Variants in TUFT1 observed in about 807,000 individuals in gnomAD.
TUFT1 encodes tuftelin 1.
Under a neutral mutation model 57.8 loss-of-function variants are expected in TUFT1, and 43 were observed. The observed-to-expected ratio is 0.74, with a 90% CI of 0.58 to 0.96. The LOEUF (loss-of-function observed/expected upper bound fraction) is 0.96, where lower values mean the gene tolerates loss of function less well. Ranked by LOEUF, TUFT1 falls within the 40% of genes least tolerant of loss-of-function variation. TUFT1 has a pLI of 0.00. For missense variants in TUFT1, 459 were observed against 489.0 expected, an observed-to-expected ratio of 0.94 and a Z score of 0.58; for synonymous variants, 166 against 176.7, an observed-to-expected ratio of 0.94 and a Z score of 0.48.
chr1:151,557,400 T>A, intron 1 of TUFT1: 1 of 837,414 alleles, frequency 1.2e-6, no homozygotes, highest in Non-Finnish European at 2.0e-6. Context: ...TTAGAAAACC[T>A]AAGAGGGGCT....
intron 9 of TUFT1, among the ~76,000 whole-genome samples, 185 bp from the exon 10 acceptor site, chr1:151,578,536 C>T (rs955776074): frequency 2.6e-5 from 4 of 152,128 alleles, no homozygotes; most frequent in African/African-American, 9.7e-5. Flanking sequence ...TCTTGAACTC[C>T]TGACCTCAGT....
Position 151,578,742 on chromosome 1 carries a change from A to G in TUFT1, c.840A>G (p.Glu280=), listed in dbSNP as rs1369943616. 6.3e-7 allele frequency: 1 copy of G among 1,576,270 alleles called. No homozygotes were observed. The highest frequency in any genetic ancestry group is 8.6e-7 in the Non-Finnish European group (1 of 1,159,480). ...EREKAATLEK[E]VAGLREKIHH... is the part of the protein sequence containing the mutation. ...CCAGGGCTGCTACCCTGGAAAAGGA[A>G]GTGGCCGGGTTGCGGGAGAAGATCC... The change falls in exon 10 of 13, where the codon GAA becomes GAG. Residue 280 remains glutamate (E), a synonymous_variant. Transcript: ENST00000368849.
chr1:151,563,882 C>A (rs1341440030), intron 3 of TUFT1, 22 bp from the exon 4 acceptor site: 1 of 1,603,246 alleles, frequency 6.2e-7, no homozygotes, highest in Non-Finnish European at 8.5e-7. Flanking sequence ...GGTTTCTTAA[C>A]TAAATGGTGT....
chr1:151,573,669 A>G (rs1666342255), intron 7 of TUFT1, among the ~76,000 whole-genome samples: 2 of 152,312 alleles, frequency 1.3e-5, no homozygotes, highest in African/African-American at 2.4e-5. Context: ...ACTTGAACCC[A>G]GGAGGCAAAG....
chr1:151,561,897 A>G, intron 1 of TUFT1, 194 bp from the exon 2 acceptor site: 1 of 1,521,322 alleles, frequency 6.6e-7, no homozygotes, highest in South Asian at 1.2e-5. Context: ...GGGTGGTCCC[A>G]GAGTCACCAC....
At chr1:151,576,576 T>C (rs1353830290) in intron 9 of TUFT1, among the ~76,000 whole-genome samples, 4 of 152,186 alleles carry the variant, frequency 2.6e-5, no homozygotes, top group African/African-American at 9.7e-5. Context: ...CTTTTCAGGT[T>C]TGTTAACTTG....
intron 8 of TUFT1, 152 bp downstream of exon 8, chr1:151,574,550 T>C: frequency 9.3e-7 from 1 of 1,075,982 alleles, no homozygotes; most frequent in Non-Finnish European, 1.3e-6. Flanking sequence ...TGGAATACAT[T>C]TTAGCCTTCA....
chr1:151,553,922 C>T (rs1229202813), intron 1 of TUFT1, among the ~76,000 whole-genome samples: 1 of 152,090 alleles, frequency 6.6e-6, no homozygotes, highest in Non-Finnish European at 1.5e-5. Context: ...TGAAGTTGAA[C>T]CCCTTGTCAT....
chr1:151,577,681 C>A (rs1666518131), intron 9 of TUFT1, among the ~76,000 whole-genome samples: 1 of 152,112 alleles, frequency 6.6e-6, no homozygotes, highest in South Asian at 2.1e-4. Flanking sequence ...CAAATTCTGT[C>A]TTTCTCCTCC....
At chr1:151,580,245 A>G (rs1666604768) in intron 11 of TUFT1, among the ~76,000 whole-genome samples, 1 of 152,250 alleles carries the variant, frequency 6.6e-6, no homozygotes, top group Non-Finnish European at 1.5e-5. Flanking sequence ...AGAAAGGGTT[A>G]TCTTTAGAGA....
chr1:151,547,469 A>G (rs1665376325), intron 1 of TUFT1, among the ~76,000 whole-genome samples: 2 of 152,168 alleles, frequency 1.3e-5, no homozygotes, highest in Non-Finnish European at 2.9e-5. Flanking sequence ...GGGGTTGGGA[A>G]GGTTCAGTTG....
intron 1 of TUFT1, among the ~76,000 whole-genome samples, chr1:151,545,245 G>A (rs1665296427): frequency 6.6e-6 from 1 of 151,826 alleles, no homozygotes; most frequent in African/African-American, 2.4e-5. Flanking sequence ...AGGAGGTGGC[G>A]GTTGCAGTGA....
Position 151,578,720 on chromosome 1 carries a change from G to A in TUFT1, c.819-1G>A. 2 of 1,559,486 alleles carry A rather than the reference G, an allele frequency of 1.3e-6. No individual in the cohort carries two copies. The highest frequency in any genetic ancestry group is 1.7e-6 in the Non-Finnish European group (2 of 1,150,642). On this transcript the variant is annotated splice_acceptor_variant, in intron 9 of 12. Coordinates refer to ENST00000368849, the MANE Select transcript of TUFT1 (RefSeq NM_020127.3). LOFTEE classifies it high-confidence loss of function. Reference sequence around the variant, plus strand: ...CTCAGCCTTCTGGTCTTTATCCCCAGGGCTGCTACCCTGGAAAAGGAAGTG... The same window carrying A: ...CTCAGCCTTCTGGTCTTTATCCCCAAGGCTGCTACCCTGGAAAAGGAAGTG...
intron 1 of TUFT1, 116 bp downstream of exon 1, chr1:151,540,542 C>T (rs1414600366): frequency 8.6e-7 from 1 of 1,168,934 alleles, no homozygotes. Flanking sequence ...CTCGCGCGGT[C>T]AGCCCTGCGC....
At chr1:151,571,797 G>C (rs537703858) in intron 7 of TUFT1, among the ~76,000 whole-genome samples, 2 of 152,294 alleles carry the variant, frequency 1.3e-5, no homozygotes, top group South Asian at 4.1e-4. Context: ...CTGGATTTCA[G>C]AGCCTGAGCA....
In TUFT1 at chr1:151,578,763, G is replaced by T; in HGVS notation, c.861G>T (p.Lys287Asn). Reference protein sequence around the residue: ...LEKEVAGLREKIHHLDDMLKS... With the variant: ...LEKEVAGLRENIHHLDDMLKS... The stretch of plus-strand genomic sequence containing the variant: ...AGGAAGTGGCCGGGTTGCGGGAGAA[G>T]ATCCACCACTTGGATGACATGCTCA... Residue 287 changes from lysine to asparagine, a missense_variant, in exon 10 of 13, where the codon AAG becomes AAT. Physicochemically the swap from Lys to Asn is moderately conservative, Grantham distance 94 (BLOSUM62 0). Coordinates refer to ENST00000368849, the MANE Select transcript of TUFT1 (RefSeq NM_020127.3). 6.3e-7 allele frequency: 1 copy of T among 1,584,444 alleles called. No homozygotes were observed. Among genetic ancestry groups the T allele is most frequent in the Non-Finnish European group, 8.6e-7 (1 of 1,164,046 alleles).
intron 1 of TUFT1, among the ~76,000 whole-genome samples, chr1:151,546,580 G>A (rs1205992111): frequency 1.3e-5 from 2 of 151,954 alleles, no homozygotes; most frequent in East Asian, 1.9e-4. Flanking sequence ...TTTTCTCTAT[G>A]GATTTACCTA....
chr1:151,572,715 G>T (rs1253087663), intron 7 of TUFT1, among the ~76,000 whole-genome samples: 2 of 152,160 alleles, frequency 1.3e-5, no homozygotes, highest in Admixed American at 1.3e-4. Context: ...TGGGTTTCCT[G>T]TTCTACTGGC....
intron 2 of TUFT1, 156 bp from the exon 3 acceptor site, chr1:151,562,429 G>A (rs996377511): frequency 2.0e-5 from 14 of 715,764 alleles, no homozygotes; most frequent in South Asian, 9.0e-5. Context: ...TTAGAAGTTC[G>A]GAAACGAATT....
Sources: allele counts gnomAD v4.1 joint callset (sites outside exome capture counted in the v4.1 genomes callset), GRCh38; gene constraint gnomAD v4.1.1; transcripts MANE v1.5; gene names NCBI Gene and HGNC (gene_info 2026-07-23, HGNC 2026-07-21).